LINGO2: variants seen among roughly 807,000 people sequenced by gnomAD.
LINGO2 encodes the protein leucine-rich repeat and immunoglobulin-like domain-containing nogo receptor-interacting protein 2.
Under a neutral mutation model 30.6 loss-of-function variants are expected in LINGO2, and 14 were observed. The observed-to-expected ratio is 0.46, with a 90% confidence interval of 0.30 to 0.72. LINGO2 has a LOEUF of 0.72. Ranked by LOEUF, LINGO2 falls within the 30% of genes least tolerant of loss-of-function variation. The pLI is 0.07. For synonymous variants in LINGO2, 317 were observed against 288.5 expected (o/e 1.10, Z -1.00); for missense variants, 729 against 751.7 (o/e 0.97, Z 0.35).
the LINGO2 span, among the ~76,000 whole-genome samples, chr9:28,756,819 T>C: frequency 3.7e-4 from 56 of 152,078 alleles, no homozygotes; most frequent in Non-Finnish European, 5.3e-4. Context: ...GTAAATTTCC[T>C]GAGGCCTCCC....
In LINGO2 at chr9:28,479,860, T is replaced by C. The variant is rs1363932705; in HGVS notation, c.-364-3835A>G. Among the ~76,000 whole-genome samples the C allele has an allele frequency of 5.0e-3, 337 of 67,552 alleles. 2 individuals carry two copies. The highest frequency in any genetic ancestry group is 0.014 in the African/African-American group (315 of 22,484). The allele number at this position is 67,552 out of a possible 152,430, so 44.3% of individuals were successfully genotyped here. On this transcript the variant is annotated intron_variant, in intron 1 of 5. Coordinates refer to ENST00000379992, the Ensembl canonical transcript of LINGO2. ...ACCATGTCATCTGTGTGTGTGTGTG[T>C]GTGTGTGTGTGTGTGTGTGTGTGTA... is the stretch of plus-strand genomic sequence containing the variant.
intron 4 of LINGO2, among the ~76,000 whole-genome samples, chr9:28,138,378 G>A (rs1014419704): frequency 2.0e-5 from 3 of 152,160 alleles, no homozygotes; most frequent in African/African-American, 7.2e-5. Flanking sequence ...AATACGGGAG[G>A]AAAAGAAAAA....
At chr9:28,169,566 G>A (rs1587129762) in intron 4 of LINGO2, among the ~76,000 whole-genome samples, 1 of 152,162 alleles carries the variant, frequency 6.6e-6, no homozygotes, top group Admixed American at 6.5e-5. Flanking sequence ...CCTATTATGT[G>A]CCCAGACACT....
intron 1 of LINGO2, among the ~76,000 whole-genome samples, chr9:28,567,237 T>C (rs2135576508): frequency 6.6e-6 from 1 of 152,202 alleles, no homozygotes; most frequent in Non-Finnish European, 1.5e-5. Flanking sequence ...AGAAAATTTC[T>C]CAAAGAATTA....
chr9:28,850,380 G>A, the LINGO2 span, among the ~76,000 whole-genome samples: 1 of 151,798 alleles, frequency 6.6e-6, no homozygotes, highest in Admixed American at 6.6e-5. Context: ...TCCGTCTAGG[G>A]GCTTGCACCC....
the LINGO2 span, among the ~76,000 whole-genome samples, chr9:28,947,643 A>AT: frequency 1.3e-4 from 19 of 149,778 alleles, no homozygotes. Flanking sequence ...AAAATTCCAT[A>AT]TTTTTTATGT....
chr9:28,117,062 AT>A (rs1826929167), intron 4 of LINGO2, among the ~76,000 whole-genome samples: 1 of 115,066 alleles, frequency 8.7e-6, no homozygotes, highest in Non-Finnish European at 1.8e-5. Context: ...TTGGTCTTTG[AT>A]GATGGTGATG....
At chr9:28,645,515 A>G (rs1827798930) in intron 1 of LINGO2, among the ~76,000 whole-genome samples, 1 of 152,270 alleles carries the variant, frequency 6.6e-6, no homozygotes, top group Non-Finnish European at 1.5e-5. Flanking sequence ...CAACGGGCCA[A>G]GAGCTTTTTA....
intron 5 of LINGO2, among the ~76,000 whole-genome samples, chr9:28,000,501 T>C (rs1455471741): frequency 5.3e-5 from 8 of 152,242 alleles, no homozygotes; most frequent in Admixed American, 4.6e-4. Context: ...ATAAAGATAC[T>C]GTGGAAAATT....
chr9:28,879,826 T>C, the LINGO2 span, among the ~76,000 whole-genome samples: 2 of 147,640 alleles, frequency 1.4e-5, no homozygotes, highest in African/African-American at 5.2e-5. Context: ...GAATTGCTAC[T>C]GTGGCAATTG....
At chr9:28,425,112 T>C (rs1319387133) in intron 2 of LINGO2, among the ~76,000 whole-genome samples, 2 of 151,672 alleles carry the variant, frequency 1.3e-5, no homozygotes, top group African/African-American at 4.8e-5. Context: ...AATTAATACA[T>C]AATTTTCAAC....
intron 2 of LINGO2, among the ~76,000 whole-genome samples, chr9:28,399,358 A>G (rs1822172548): frequency 6.6e-6 from 1 of 152,204 alleles, no homozygotes; most frequent in African/African-American, 2.4e-5. Flanking sequence ...TTGTCATAAC[A>G]TTCGTTATGA....
chr9:28,231,305 T>C (rs1821346772), intron 4 of LINGO2, among the ~76,000 whole-genome samples: 4 of 152,000 alleles, frequency 2.6e-5, no homozygotes, highest in African/African-American at 9.7e-5. Flanking sequence ...GAGAAGATTC[T>C]TCCCTATATA....
intron 4 of LINGO2, among the ~76,000 whole-genome samples, chr9:28,205,407 A>C (rs1347719871): frequency 6.6e-6 from 1 of 152,108 alleles, no homozygotes; most frequent in Non-Finnish European, 1.5e-5. Context: ...GCCTTCCCCG[A>C]TCTATCCCAA....
At chr9:28,476,563 C>T (rs1412648813) in intron 1 of LINGO2, among the ~76,000 whole-genome samples, 1 of 152,212 alleles carries the variant, frequency 6.6e-6, no homozygotes, top group Non-Finnish European at 1.5e-5. Context: ...GCGTGAGCCA[C>T]CGCGCCCGGC....
rs536676822 is a variant in LINGO2 at position 28,310,545 on chromosome 9, T to C, written c.-245-15179A>G. Among the ~76,000 whole-genome samples, 101 of 152,276 alleles carry C rather than the reference T, an allele frequency of 6.6e-4. 2 individuals are homozygous for C. In the South Asian group the frequency reaches 0.02, roughly 30 times the overall value. On this transcript the variant is annotated intron_variant, in intron 3 of 5. Transcript: ENST00000379992. ...ATTACAGAAAGCCATTCTGTAATCA[T>C]AGCAGTTCTGCGCCTGAGGACGCAG...
chr9:29,180,017 A>C, the LINGO2 span, among the ~76,000 whole-genome samples: 28 of 152,330 alleles, frequency 1.8e-4, no homozygotes, highest in East Asian at 5.2e-3. Context: ...CATGAACTTG[A>C]GTGAATAAAA....
chr9:27,990,680 G>C (rs1432067109), intron 5 of LINGO2, among the ~76,000 whole-genome samples: 3 of 151,972 alleles, frequency 2.0e-5, no homozygotes, highest in Non-Finnish European at 2.9e-5. Context: ...CGCATTCAGT[G>C]GTTGAGTGCA....
the LINGO2 span, among the ~76,000 whole-genome samples, chr9:29,155,415 T>C: frequency 6.6e-6 from 1 of 152,106 alleles, no homozygotes; most frequent in African/African-American, 2.4e-5. Context: ...CTTTCTCCTA[T>C]GTGATATTGT....
Sources: allele counts gnomAD v4.1 joint callset (sites outside exome capture counted in the v4.1 genomes callset), GRCh38; gene constraint gnomAD v4.1.1; transcripts MANE v1.5; gene names NCBI Gene and HGNC (gene_info 2026-07-23, HGNC 2026-07-21).